Variants in ZYG11B observed in about 807,000 individuals in gnomAD.
ZYG11B encodes protein zyg-11 homolog B.
A neutral mutation model predicts 82.4 loss-of-function variants in ZYG11B; 36 were observed. The observed-to-expected ratio is 0.44, with a 90% CI of 0.33 to 0.58. ZYG11B has a LOEUF of 0.58. Among genes scored for constraint, ZYG11B ranks in the 20% least tolerant of loss-of-function variants. ZYG11B has a pLI of 0.02. For synonymous variants in ZYG11B, 303 were observed against 312.8 expected, an observed-to-expected ratio of 0.97 and a Z score of 0.33; for missense variants, 552 against 895.6, an observed-to-expected ratio of 0.62 and a Z score of 4.90.
At position 52,813,656 on chromosome 1, in the gene ZYG11B, A is replaced by G; in HGVS notation, c.1816A>G (p.Ile606Val). The change falls in exon 11 of 14, where the codon ATT becomes GTT. Residue 606 changes from isoleucine (I) to valine (V), a missense_variant. Physicochemically the swap from Ile to Val is conservative, Grantham distance 29 (BLOSUM62 3). Transcript: ENST00000294353. The stretch of plus-strand genomic sequence containing the variant: ...AGTCAGTTACTTTGCAGCTGGAATT[A>G]TTGCCCATTTAATATCCAGAGGTGA... Reference protein sequence around the residue: ...VEVSYFAAGIIAHLISRGEQA... With the variant: ...VEVSYFAAGIVAHLISRGEQA... 1.9e-6 allele frequency: 3 copies of G among 1,614,130 alleles called. No individual in the cohort carries two copies. The highest frequency in any genetic ancestry group is 1.7e-6 in the Non-Finnish European group (2 of 1,180,036).
intron 4 of ZYG11B, 109 bp downstream of exon 4, chr1:52,780,102 A>G: frequency 9.5e-7 from 1 of 1,054,046 alleles, no homozygotes; most frequent in Non-Finnish European, 1.4e-6. Context: ...TATTATTTAT[A>G]ATGTGATTGA....
intron 6 of ZYG11B, among the ~76,000 whole-genome samples, chr1:52,792,701 AC>A (rs1175210076): frequency 6.6e-6 from 1 of 152,218 alleles, no homozygotes; most frequent in Non-Finnish European, 1.5e-5. Context: ...GAATAAAGGC[AC>A]AGAGAAAGTC....
intron 8 of ZYG11B, among the ~76,000 whole-genome samples, chr1:52,797,331 A>T (rs1281360567): frequency 1.4e-5 from 1 of 73,914 alleles, no homozygotes; most frequent in Non-Finnish European, 2.2e-5. Flanking sequence ...TATATATATT[A>T]TATATTTATA....
At chr1:52,787,759 T>C (rs1172589651) in intron 5 of ZYG11B, among the ~76,000 whole-genome samples, 1 of 151,194 alleles carries the variant, frequency 6.6e-6, no homozygotes, top group South Asian at 2.1e-4. Flanking sequence ...TATTTTTCTG[T>C]ATTTCTTATT....
chr1:52,727,293 A>G (rs1481096601), intron 1 of ZYG11B, among the ~76,000 whole-genome samples: 1 of 152,038 alleles, frequency 6.6e-6, no homozygotes, highest in Non-Finnish European at 1.5e-5. Context: ...CGGGAGCTGT[A>G]GGGCGGGCAG....
At chr1:52,734,946 C>A (rs1644365754) in intron 1 of ZYG11B, among the ~76,000 whole-genome samples, 1 of 150,562 alleles carries the variant, frequency 6.6e-6, no homozygotes, top group Non-Finnish European at 1.5e-5. Flanking sequence ...TCAGGCTTGT[C>A]TTGAACTCCT....
chr1:52,732,789 T>C (rs1363562910), intron 1 of ZYG11B, among the ~76,000 whole-genome samples: 1 of 148,244 alleles, frequency 6.7e-6, no homozygotes, highest in African/African-American at 2.5e-5. Context: ...CCCTGGCCAA[T>C]GTGGTGAAAC....
intron 1 of ZYG11B, among the ~76,000 whole-genome samples, chr1:52,742,723 T>G (rs1174681785): frequency 6.6e-6 from 1 of 151,398 alleles, no homozygotes; most frequent in South Asian, 2.1e-4. Flanking sequence ...GCGCCTGTAG[T>G]CCCAGCTTCT....
chr1:52,732,359 TAAAAG>T (rs1644339858), intron 1 of ZYG11B, among the ~76,000 whole-genome samples: 1 of 152,142 alleles, frequency 6.6e-6, no homozygotes, highest in South Asian at 2.1e-4. Context: ...CCTTCTTGCT[TAAAAG>T]AAAATTATAT....
Position 52,816,635 on chromosome 1 carries a change from T to A in ZYG11B, c.2044+6T>A. ...ACATGTCTGCAGCAAGAATCGTATGTACCAAAAAAAAAGAACTGTGTTTTT... is the reference window on the plus strand; with the variant it reads ...ACATGTCTGCAGCAAGAATCGTATGAACCAAAAAAAAAGAACTGTGTTTTT... On this transcript the variant is annotated splice_donor_region_variant and intron_variant, in intron 13 of 13. Coordinates refer to ENST00000294353, the MANE Select transcript of ZYG11B (RefSeq NM_024646.3). The A allele has an allele frequency of 6.3e-7, 1 of 1,583,590 alleles. No individual in the cohort carries two copies. The highest frequency in any genetic ancestry group is 8.6e-7 in the Non-Finnish European group (1 of 1,164,088).
chr1:52,771,206 T>G lies in ZYG11B; in HGVS notation c.383T>G (p.Leu128Arg). 2 of 1,614,250 alleles carry G rather than the reference T, an allele frequency of 1.2e-6. No individual in the cohort carries two copies. Among genetic ancestry groups the G allele is most frequent in the Non-Finnish European group, 1.7e-6 (2 of 1,180,036 alleles). ...DITITDIISGLGSNKWIQQNL... is the reference protein window; with the variant it reads ...DITITDIISGRGSNKWIQQNL... ...ACGATTACAGACATTATCAGTGGGC[T>G]TGGCAGTAACAAATGGATCCAGCAG... The change falls in exon 3 of 14, where the codon CTT (leucine) becomes CGT (arginine). Residue 128 changes from leucine to arginine, a missense_variant. This residue lies in a region of ZYG11B where 359 missense variants were observed against 555.8 expected (regional missense o/e 0.65). Transcript: ENST00000294353. This position sits in a 1 kb window ranked among gnomAD's most constrained non-coding sequence, Gnocchi z 5.4.
Position 52,726,619 on chromosome 1 carries a change from G to A in ZYG11B, c.-35G>A. The A allele has an allele frequency of 1.4e-6, 2 of 1,422,854 alleles. No individual in the cohort carries two copies. The highest frequency in any genetic ancestry group is 1.4e-5 in the South Asian group (1 of 69,094). The allele number at this position is 1,422,854 out of a possible 1,614,324, so 88.1% of individuals were successfully genotyped here. On this transcript the variant is annotated 5_prime_UTR_variant, in exon 1 of 14. Coordinates refer to ENST00000294353, the MANE Select transcript of ZYG11B (RefSeq NM_024646.3). ...CGGCTCAGCCTGGGGGCGGGCTCCG[G>A]TCCGGCCCGCCGCCGCACCCAGGAC...
chr1:52,746,052 C>T lies in ZYG11B; in HGVS notation c.31-10406C>T, dbSNP rs928743801. Among the ~76,000 whole-genome samples the T allele has an allele frequency of 3.8e-4, 58 of 151,846 alleles. 1 individual carries two copies. The highest frequency in any genetic ancestry group is 3.7e-3 in the Admixed American group (56 of 15,242). ...CTCGGCTCACTGCAACCTCCACCTC[C>T]TGGGTTCAAGCAATTCTCCTGCCTC... On this transcript the variant is annotated intron_variant, in intron 1 of 13. Transcript: ENST00000294353.
intron 3 of ZYG11B, among the ~76,000 whole-genome samples, chr1:52,778,516 G>GT (rs1644828101): frequency 6.6e-6 from 1 of 152,136 alleles, no homozygotes; most frequent in African/African-American, 2.4e-5. Context: ...TTAGACTTAC[G>GT]TTAGATCCCT....
At chr1:52,748,170 CT>C (rs1230439880) in intron 1 of ZYG11B, among the ~76,000 whole-genome samples, 1 of 152,166 alleles carries the variant, frequency 6.6e-6, no homozygotes, top group African/African-American at 2.4e-5. Flanking sequence ...TAACCTAAGC[CT>C]TATTTTCCTC....
intron 8 of ZYG11B, among the ~76,000 whole-genome samples, chr1:52,798,629 A>G (rs1204029896): frequency 6.6e-6 from 1 of 152,140 alleles, no homozygotes; most frequent in Non-Finnish European, 1.5e-5. Context: ...CAAAACACCT[A>G]TCTAATTCTA....
intron 13 of ZYG11B, among the ~76,000 whole-genome samples, chr1:52,820,147 C>T (rs1321476678): frequency 1.3e-5 from 2 of 151,384 alleles, no homozygotes; most frequent in Non-Finnish European, 2.9e-5. Flanking sequence ...ATCTCCTGAC[C>T]TCGTTATCTG....
chr1:52,809,822 A>G (rs1043072025), intron 10 of ZYG11B, among the ~76,000 whole-genome samples: 14 of 152,054 alleles, frequency 9.2e-5, no homozygotes, highest in African/African-American at 2.4e-4. Context: ...CTTCGGAGAA[A>G]TATCTATTCA....
rs1053081514 is a variant in ZYG11B, at chr1:52,825,155, TAC to T, written c.*3528_*3529del. On this transcript the variant is annotated 3_prime_UTR_variant, in exon 14 of 14. Transcript: ENST00000294353. ...CATTAAGACAACAGATTTGAGCAAA[TAC>T]AATTAAGGTGTCTTATTTTTTGCAT... is the stretch of plus-strand genomic sequence containing the variant. 4.6e-5 allele frequency: 7 copies of T among 152,150 alleles called. No individual in the cohort carries two copies. Among genetic ancestry groups the T allele is most frequent in the Non-Finnish European group, 1.0e-4 (7 of 68,008 alleles). The allele number at this position is 152,150 out of a possible 1,614,324, so 9.4% of individuals were successfully genotyped here.
Sources: gnomAD v4.1 joint callset for allele counts (sites outside exome capture counted in the v4.1 genomes callset) on GRCh38, gnomAD v4.1.1 for gene constraint, gnomAD v4.1.1 regional missense constraint, Gnocchi (gnomAD v3.1) non-coding constraint, MANE v1.5 for transcripts, NCBI Gene and HGNC (gene_info 2026-07-23, HGNC 2026-07-21) for gene names.